Variants in ZNF655 observed in about 807,000 individuals in gnomAD.
ZNF655 encodes zinc finger protein 655.
A neutral mutation model predicts 6.6 loss-of-function variants in ZNF655; 3 were observed. The observed-to-expected ratio is 0.46, with a 90% CI of 0.21 to 1.18. The LOEUF (loss-of-function observed/expected upper bound fraction) is 1.18, where lower values mean the gene tolerates loss of function less well. ZNF655 is among the 50% of genes most tolerant of loss of function. The probability of loss-of-function intolerance (pLI) is 0.24; values close to 1 mark genes in which losing one functional copy is unlikely to be tolerated. For missense variants in ZNF655, 526 were observed against 572.3 expected (o/e 0.92, Z 0.83); for synonymous variants, 178 against 195.0 (o/e 0.91, Z 0.73).
In ZNF655 at chr7:99,574,563, T is replaced by G. The variant is rs1804292802; in HGVS notation, c.*979T>G. The G allele has an allele frequency of 1.3e-5, 2 of 152,170 alleles. No homozygotes were observed. The highest frequency in any genetic ancestry group is 2.9e-5 in the Non-Finnish European group (2 of 68,036). The allele number at this position is 152,170 out of a possible 1,614,324, so 9.4% of individuals were successfully genotyped here. ...GGCCTATTTTATTTATAGAACTCAT[T>G]TAAGCTGTTTTTATTTTAATATGCC... On this transcript the variant is annotated 3_prime_UTR_variant, in exon 3 of 3. Coordinates refer to ENST00000252713, the MANE Select transcript of ZNF655 (RefSeq NM_138494.3).
At chr7:99,564,133 T>C (rs1803450002) in intron 2 of ZNF655, 1 of 1,499,174 alleles carries the variant, frequency 6.7e-7, no homozygotes, top group African/African-American at 1.4e-5. Context: ...CTCCTCAAAT[T>C]ACCTCTGTTT....
In ZNF655 at chr7:99,560,728, G is replaced by A. The variant is rs1388832891; in HGVS notation, c.136+33G>A. The A allele has an allele frequency of 3.1e-6, 5 of 1,608,734 alleles. No individual in the cohort carries two copies. The South Asian group carries it at 3.3e-5, about 11-fold the overall frequency. ...AGAGAAAGCACTTCCGTCTGGGAGAGTGGGAGTGCGGAGGGGCTCCCGAGG... is the reference window on the plus strand; with the variant it reads ...AGAGAAAGCACTTCCGTCTGGGAGAATGGGAGTGCGGAGGGGCTCCCGAGG... On this transcript the variant is annotated intron_variant, in intron 2 of 2. Coordinates refer to ENST00000252713, the MANE Select transcript of ZNF655 (RefSeq NM_138494.3).
chr7:99,561,128 G>C (rs542167975), intron 2 of ZNF655, among the ~76,000 whole-genome samples: 1 of 152,238 alleles, frequency 6.6e-6, no homozygotes, highest in Non-Finnish European at 1.5e-5. Context: ...TGTAACTGCA[G>C]TGTTTTGTGA....
In ZNF655 at chr7:99,573,519, A is replaced by G. The variant is rs753367053; in HGVS notation, c.1411A>G (p.Lys471Glu). The G allele has an allele frequency of 6.2e-6, 10 of 1,611,334 alleles. No homozygotes were observed. Among genetic ancestry groups the G allele is most frequent in the Non-Finnish European group, 3.4e-6 (4 of 1,179,990 alleles). The change falls in exon 3 of 3, where the codon AAG becomes GAG. Residue 471 changes from lysine to glutamate, a missense_variant. By Grantham distance (56) the Lys-to-Glu change is moderately conservative. Transcript: ENST00000252713. ...AGCCTTTGATTGTGATGTATGGGAAAAGAACTCCAGTCAGAGAGCACATCT... is the reference window on the plus strand; with the variant it reads ...AGCCTTTGATTGTGATGTATGGGAAGAGAACTCCAGTCAGAGAGCACATCT... ...QKAFDCDVWE[K>E]NSSQRAHLVQ...
chr7:99,562,278 A>G, intron 2 of ZNF655: 3 of 1,532,222 alleles, frequency 2.0e-6, no homozygotes, highest in South Asian at 1.2e-5. Context: ...ACGTAAGTAC[A>G]CAGTGGATAC....
At chr7:99,561,769 G>A (rs1298196987) in intron 2 of ZNF655, 3 of 469,396 alleles carry the variant, frequency 6.4e-6, no homozygotes, top group Non-Finnish European at 1.1e-5. Context: ...AATGTTCATT[G>A]GTTTTACTAG....
At chr7:99,569,465 ATT>A (rs555541537) in intron 2 of ZNF655, among the ~76,000 whole-genome samples, 1 of 150,312 alleles carries the variant, frequency 6.7e-6, no homozygotes, top group Non-Finnish European at 1.5e-5. Flanking sequence ...CAAAATCATA[ATT>A]TTTTTTTTAC....
intron 2 of ZNF655, among the ~76,000 whole-genome samples, chr7:99,567,042 C>T (rs776889404): frequency 6.6e-6 from 1 of 152,044 alleles, no homozygotes; most frequent in African/African-American, 2.4e-5. Flanking sequence ...GCCTCAGCCT[C>T]CAGAGTAGCT....
Position 99,571,648 on chromosome 7 carries a change from G to A in ZNF655, c.137-597G>A. Reference sequence around the variant, plus strand: ...GAAAAAGTGGCAGATGTAGGACCTGGGGATACATTGCCACATCCCATTTCC... The same window carrying A: ...GAAAAAGTGGCAGATGTAGGACCTGAGGATACATTGCCACATCCCATTTCC... On this transcript the variant is annotated intron_variant, in intron 2 of 2. Transcript: ENST00000252713. 4 of 1,473,884 alleles carry A rather than the reference G, an allele frequency of 2.7e-6. No individual in the cohort carries two copies. The African/African-American group carries it at 4.2e-5, about 15-fold the overall frequency. The allele number at this position is 1,473,884 out of a possible 1,614,324, so 91.3% of individuals were successfully genotyped here.
At chr7:99,570,002 T>G (rs1803914551) in intron 2 of ZNF655, among the ~76,000 whole-genome samples, 1 of 152,174 alleles carries the variant, frequency 6.6e-6, no homozygotes, top group Non-Finnish European at 1.5e-5. Context: ...ATTTTATCAC[T>G]CTGTATGCCT....
chr7:99,575,206 G>C lies in ZNF655; in HGVS notation c.*1622G>C, dbSNP rs1804328069. 2.0e-5 allele frequency: 3 copies of C among 152,546 alleles called. No individual in the cohort carries two copies. 9.4% of individuals were successfully genotyped at this position (152,546 alleles called of 1,614,324 possible). A position where few individuals can be genotyped will look rare whatever the true frequency, so the allele number is the denominator to read the frequency against. The stretch of plus-strand genomic sequence containing the variant: ...GTTCTTTTATATACCTCTACGGCCA[G>C]CAAAATGCTCAGGTCTGCTCTTGGT... On this transcript the variant is annotated 3_prime_UTR_variant, in exon 3 of 3. Coordinates refer to ENST00000252713, the MANE Select transcript of ZNF655 (RefSeq NM_138494.3).
In ZNF655 at chr7:99,573,507, G is replaced by T; in HGVS notation, c.1399G>T (p.Asp467Tyr). The T allele has an allele frequency of 6.2e-7, 1 of 1,612,162 alleles. No individual in the cohort carries two copies. The highest frequency in any genetic ancestry group is 1.1e-5 in the South Asian group (1 of 91,084). ...CACCAGACAGAAAGCCTTTGATTGT[G>T]ATGTATGGGAAAAGAACTCCAGTCA... is the stretch of plus-strand genomic sequence containing the variant. ...VLTRQKAFDC[D>Y]VWEKNSSQRA... is the part of the protein sequence containing the mutation. Residue 467 changes from aspartate to tyrosine, a missense_variant, in exon 3 of 3, where the codon GAT (aspartate) becomes TAT (tyrosine). Coordinates refer to ENST00000252713, the MANE Select transcript of ZNF655 (RefSeq NM_138494.3).
At chr7:99,566,954 C>G (rs1262045725) in intron 2 of ZNF655, among the ~76,000 whole-genome samples, 3 of 152,166 alleles carry the variant, frequency 2.0e-5, no homozygotes, top group East Asian at 1.9e-4. Context: ...CAGTCTTGCT[C>G]TGTCGCTCAG....
chr7:99,560,046 AT>A (rs1432744544), intron 1 of ZNF655, among the ~76,000 whole-genome samples: 1 of 149,882 alleles, frequency 6.7e-6, no homozygotes, highest in Non-Finnish European at 1.5e-5. Flanking sequence ...GTTCTTAAGT[AT>A]TTAAAGCTGA....
At chr7:99,572,171 T>C in intron 2 of ZNF655, 74 bp from the exon 3 acceptor site, 3 of 1,454,650 alleles carry the variant, frequency 2.1e-6, no homozygotes, top group Non-Finnish European at 1.8e-6. Context: ...TGTTTAGTTT[T>C]CTCATCTGAG....
At chr7:99,563,730 G>C in intron 2 of ZNF655, 1 of 939,956 alleles carries the variant, frequency 1.1e-6, no homozygotes, top group Non-Finnish European at 1.6e-6. Context: ...GTCTATGCTG[G>C]TGGCATCCAG....
In ZNF655 at chr7:99,572,489, GA is replaced by G; in HGVS notation, c.383del (p.Asn128ThrfsTer37). 6.2e-7 allele frequency: 1 copy of G among 1,613,966 alleles called. No homozygotes were observed. On this transcript the variant is annotated frameshift_variant, in exon 3 of 3. Transcript: ENST00000252713. LOFTEE classifies it low-confidence loss of function (END_TRUNC). The part of the protein sequence containing the change: ...ISKETFTSEK[N>X]NECHEPEKSF... ...GCAAGGAAACCTTCACCAGTGAGAAGAACAATGAATGTCATGAACCCGAAAA... is the reference window on the plus strand; with the variant it reads ...GCAAGGAAACCTTCACCAGTGAGAAGACAATGAATGTCATGAACCCGAAAA...
At position 99,560,686 on chromosome 7, in the gene ZNF655, C is replaced by G. The variant is rs202071453; in HGVS notation, c.127C>G (p.Leu43Val). Residue 43 changes from leucine (L) to valine (V), a missense_variant, in exon 2 of 3, where the codon CTC (leucine) becomes GTC (valine). By Grantham distance (32) the Leu-to-Val change is conservative. Coordinates refer to ENST00000252713, the MANE Select transcript of ZNF655 (RefSeq NM_138494.3). ...FVQDTDMEQG[L>V]TGDGETREEN... ...GCAGGACACCGACATGGAACAGGGA[C>G]TCACTGGGGGTAAGGCAGAGAAAGC... is the stretch of plus-strand genomic sequence containing the variant. 5 of 1,613,758 alleles carry G rather than the reference C, an allele frequency of 3.1e-6. No individual in the cohort carries two copies. The African/African-American group carries it at 4.0e-5, about 13-fold the overall frequency.
intron 2 of ZNF655, chr7:99,562,381 T>C: frequency 6.2e-7 from 1 of 1,614,150 alleles, no homozygotes; most frequent in Non-Finnish European, 8.5e-7. Flanking sequence ...TTTGTGACAT[T>C]CGAGGATGTG....
Sources: allele counts gnomAD v4.1 joint callset (sites outside exome capture counted in the v4.1 genomes callset), GRCh38; gene constraint gnomAD v4.1.1; transcripts MANE v1.5; gene names NCBI Gene and HGNC (gene_info 2026-07-23, HGNC 2026-07-21).